Variants in BIVM observed in about 807,000 individuals in gnomAD.
The protein encoded by BIVM is basic immunoglobulin-like variable motif-containing protein.
A neutral mutation model predicts 61.4 loss-of-function variants in BIVM; 31 were observed. That is an observed-to-expected ratio of 0.51 (90% CI 0.38 to 0.68). BIVM has a LOEUF of 0.68. Ranked by LOEUF, BIVM falls within the 30% of genes least tolerant of loss-of-function variation. The pLI is 0.00. For missense variants in BIVM, 526 were observed against 596.0 expected (o/e 0.88, Z 1.22); for synonymous variants, 189 against 210.7 (o/e 0.90, Z 0.89).
chr13:102,814,918 CT>C (rs1420620866), intron 3 of BIVM, among the ~76,000 whole-genome samples: 2 of 152,122 alleles, frequency 1.3e-5, no homozygotes, highest in Non-Finnish European at 2.9e-5. Context: ...GTCGCACGCA[CT>C]TGTGGTCCCA....
chr13:102,803,125 C>G (rs1473423457), intron 1 of BIVM, among the ~76,000 whole-genome samples: 1 of 147,522 alleles, frequency 6.8e-6, no homozygotes, highest in Non-Finnish European at 1.5e-5. Context: ...GAGGTCAAGA[C>G]CAGCCTAGGC....
intron 7 of BIVM, among the ~76,000 whole-genome samples, chr13:102,831,301 T>C (rs932103562): frequency 6.6e-5 from 10 of 152,234 alleles, no homozygotes; most frequent in Non-Finnish European, 1.0e-4. Flanking sequence ...AGTATGTGTG[T>C]TATTAGAAGG....
At chr13:102,803,365 T>C (rs904530489) in intron 1 of BIVM, among the ~76,000 whole-genome samples, 4 of 151,900 alleles carry the variant, frequency 2.6e-5, no homozygotes, top group Non-Finnish European at 4.4e-5. Flanking sequence ...TAGCCAGGCA[T>C]GGTGGCACCT....
intron 5 of BIVM, 75 bp downstream of exon 5, chr13:102,821,207 T>C: frequency 7.7e-7 from 1 of 1,291,802 alleles, no homozygotes; most frequent in Non-Finnish European, 1.1e-6. Context: ...CAGAAAAAAA[T>C]TTAAGAATAG....
At chr13:102,839,466 TGAGG>T in intron 10 of BIVM, 102 bp from the exon 11 acceptor site, 2 of 1,426,102 alleles carry the variant, frequency 1.4e-6, no homozygotes, top group Non-Finnish European at 1.9e-6. Flanking sequence ...AGTACCATTC[TGAGG>T]CCGGTGAAGT....
chr13:102,809,817 G>C (rs1465734303), intron 3 of BIVM, among the ~76,000 whole-genome samples: 1 of 138,270 alleles, frequency 7.2e-6, no homozygotes, highest in Non-Finnish European at 1.5e-5. Flanking sequence ...ACAGAGTCTC[G>C]CTCTGTCGCC....
chr13:102,821,983 T>C, intron 6 of BIVM, 82 bp from the exon 7 acceptor site: 3 of 1,562,480 alleles, frequency 1.9e-6, no homozygotes, highest in South Asian at 1.1e-5. Context: ...CTTTGGGCTA[T>C]GCCTGAATTT....
rs141943833 is a variant in BIVM at position 102,803,723 on chromosome 13, A to T, written c.-206-1584A>T. On this transcript the variant is annotated intron_variant, in intron 1 of 10. Coordinates refer to ENST00000257336, the MANE Select transcript of BIVM (RefSeq NM_017693.4). ...GAGACTATATGCTCTTTCATTCCTCACCTCGCACAGCCCACCCCCACGACC... is the reference window on the plus strand; with the variant it reads ...GAGACTATATGCTCTTTCATTCCTCTCCTCGCACAGCCCACCCCCACGACC... Among the ~76,000 whole-genome samples, 195 of 151,600 alleles carry T rather than the reference A, an allele frequency of 1.3e-3. 1 individual carries two copies. The highest frequency in any genetic ancestry group is 4.5e-3 in the African/African-American group (187 of 41,284).
At chr13:102,818,952 A>G (rs1278696539) in intron 4 of BIVM, among the ~76,000 whole-genome samples, 1 of 152,248 alleles carries the variant, frequency 6.6e-6, no homozygotes, top group Non-Finnish European at 1.5e-5. Context: ...GTTGTAAAAT[A>G]TAAAACACTG....
rs1880242095 is a variant in BIVM at position 102,821,072 on chromosome 13, G to A, written c.641G>A (p.Cys214Tyr). 5 of 1,613,442 alleles carry A rather than the reference G, an allele frequency of 3.1e-6. No homozygotes were observed. The highest frequency in any genetic ancestry group is 8.5e-7 in the Non-Finnish European group (1 of 1,179,884). The change falls in exon 5 of 11, where the codon TGT becomes TAT. Residue 214 changes from cysteine to tyrosine, a missense_variant. Around this residue, in one of 3 missense-constraint regions of BIVM, gnomAD observed 312 missense variants for 343.8 expected, o/e 0.91. Coordinates refer to ENST00000257336, the MANE Select transcript of BIVM (RefSeq NM_017693.4). The part of the protein sequence containing the change: ...CISRPQYKTS[C>Y]GISSLISCWN... ...AGCCGACCACAGTATAAGACTTCTTGTGGCATCTCTTCATTAATTTCTTGT... is the reference window on the plus strand; with the variant it reads ...AGCCGACCACAGTATAAGACTTCTTATGGCATCTCTTCATTAATTTCTTGT...
chr13:102,821,218 A>AT (rs1880253146), intron 5 of BIVM, 86 bp downstream of exon 5: 3 of 1,182,644 alleles, frequency 2.5e-6, no homozygotes, highest in South Asian at 1.5e-5. Context: ...TTAAGAATAG[A>AT]TTTTTTATAA....
chr13:102,821,158 C>G, intron 5 of BIVM, 26 bp downstream of exon 5: 1 of 1,576,744 alleles, frequency 6.3e-7, no homozygotes, highest in Admixed American at 1.9e-5. Flanking sequence ...TATCAGTACC[C>G]CCAAACTCCA....
At chr13:102,822,994 G>A (rs1880402139) in intron 7 of BIVM, among the ~76,000 whole-genome samples, 1 of 152,126 alleles carries the variant, frequency 6.6e-6, no homozygotes. Context: ...AAGGGTATGG[G>A]GATTCTTGCT....
intron 7 of BIVM, among the ~76,000 whole-genome samples, chr13:102,829,668 G>T (rs200487569): frequency 5.2e-4 from 79 of 151,890 alleles, no homozygotes; most frequent in African/African-American, 1.8e-3. Context: ...GTGAAACCCC[G>T]TCTCTACTAA....
intron 7 of BIVM, among the ~76,000 whole-genome samples, chr13:102,827,993 C>T (rs1328814228): frequency 1.3e-5 from 2 of 152,186 alleles, no homozygotes; most frequent in African/African-American, 4.8e-5. Flanking sequence ...TCTATCTTCT[C>T]TTTGTGCTTA....
In BIVM at chr13:102,838,707, G is replaced by A. The variant is rs1185811919; in HGVS notation, c.1186G>A (p.Glu396Lys). ...AGAATACCTGGATATCCGGCACTTA[G>A]AGAGGGGACTGCAGTATAGAAAAAC... The part of the protein sequence containing the change: ...NPEYLDIRHL[E>K]RGLQYRKTKK... The change falls in exon 10 of 11, where the codon GAG (glutamate) becomes AAG (lysine). Residue 396 changes from glutamate (E) to lysine (K), a missense_variant. Glu to Lys is a moderately conservative substitution (Grantham distance 56). Transcript: ENST00000257336. The A allele has an allele frequency of 1.9e-6, 3 of 1,613,620 alleles. No individual in the cohort carries two copies. Among genetic ancestry groups the A allele is most frequent in the Non-Finnish European group, 1.7e-6 (2 of 1,179,702 alleles).
chr13:102,807,404 G>T lies in BIVM; in HGVS notation c.137G>T (p.Gly46Val), dbSNP rs757139936. ...ACAAGTGCCTCAGGAGCACCCTTGGGTCCCAAAGGAGATGGTCATTATCCA... is the reference window on the plus strand; with the variant it reads ...ACAAGTGCCTCAGGAGCACCCTTGGTTCCCAAAGGAGATGGTCATTATCCA... ...FCTSASGAPL[G>V]PKGDGHYPWS... Residue 46 changes from glycine to valine, a missense_variant, in exon 3 of 11, where the codon GGT (glycine) becomes GTT (valine). By Grantham distance (109) the Gly-to-Val change is moderately radical. This residue lies in a region of BIVM where 312 missense variants were observed against 343.8 expected (regional missense o/e 0.91). Transcript: ENST00000257336. This position sits in a 1 kb window ranked among gnomAD's most constrained non-coding sequence, Gnocchi z 4.0. 1 of 1,614,160 alleles carries T rather than the reference G, an allele frequency of 6.2e-7. No homozygotes were observed. The highest frequency in any genetic ancestry group is 1.1e-5 in the South Asian group (1 of 91,074).
intron 3 of BIVM, among the ~76,000 whole-genome samples, chr13:102,810,912 G>A (rs185180416): frequency 6.6e-6 from 1 of 152,104 alleles, no homozygotes; most frequent in Admixed American, 6.5e-5. Flanking sequence ...ATATTTTTTT[G>A]TAGAGATAGA....
chr13:102,821,212 G>A (rs1407931501), intron 5 of BIVM, 80 bp downstream of exon 5: 1 of 1,248,106 alleles, frequency 8.0e-7, no homozygotes, highest in Non-Finnish European at 1.1e-6. Context: ...AAAAATTTAA[G>A]AATAGATTTT....
Sources: gnomAD v4.1 joint callset for allele counts (sites outside exome capture counted in the v4.1 genomes callset) on GRCh38, gnomAD v4.1.1 for gene constraint, gnomAD v4.1.1 regional missense constraint, Gnocchi (gnomAD v3.1) non-coding constraint, MANE v1.5 for transcripts, NCBI Gene and HGNC (gene_info 2026-07-23, HGNC 2026-07-21) for gene names.